Variants in KATNAL1 observed in about 807,000 individuals in gnomAD.
KATNAL1 encodes katanin p60 ATPase-containing subunit A-like 1.
In KATNAL1, 32 loss-of-function variants were observed where a neutral mutation model predicts 55.2. The ratio of observed to expected loss-of-function variants is 0.58; its 90% CI spans 0.44 to 0.78. The LOEUF is 0.78. Ranked by LOEUF, KATNAL1 falls within the 30% of genes least tolerant of loss-of-function variation. The probability of loss-of-function intolerance (pLI) is 0.00; values close to 1 mark genes in which losing one functional copy is unlikely to be tolerated. For synonymous variants in KATNAL1, 193 were observed against 193.6 expected (o/e 1.00, Z 0.02); for missense variants, 466 against 600.9 (o/e 0.78, Z 2.35).
intron 9 of KATNAL1, among the ~76,000 whole-genome samples, chr13:30,218,811 C>A (rs1455562074): frequency 6.6e-6 from 1 of 152,122 alleles, no homozygotes; most frequent in Non-Finnish European, 1.5e-5. Flanking sequence ...GGATCCCAGG[C>A]CCCAGCTGTG....
At chr13:30,248,877 G>C (rs1878034804) in intron 4 of KATNAL1, among the ~76,000 whole-genome samples, 1 of 152,174 alleles carries the variant, frequency 6.6e-6, no homozygotes, top group South Asian at 2.1e-4. Context: ...GGCTAACACA[G>C]TGAAACCCCA....
rs144193636 is a variant in KATNAL1 at position 30,211,584 on chromosome 13, C to G, written c.1148-1142G>C. Among the ~76,000 whole-genome samples the G allele has an allele frequency of 9.5e-3, 1,452 of 152,226 alleles. 25 individuals are homozygous for G. The highest frequency in any genetic ancestry group is 0.033 in the African/African-American group (1,361 of 41,534). Reference sequence around the variant, plus strand: ...ACCTTCTTTCATCTAAAACAGTTCCCCAGTGTTTACTTTTTGGTTCATTTT... The same window carrying G: ...ACCTTCTTTCATCTAAAACAGTTCCGCAGTGTTTACTTTTTGGTTCATTTT... On this transcript the variant is annotated intron_variant, in intron 9 of 10. Coordinates refer to ENST00000380615, the MANE Select transcript of KATNAL1 (RefSeq NM_032116.5).
At position 30,210,406 on chromosome 13, in the gene KATNAL1, C is replaced by A. The variant is rs749819072; in HGVS notation, c.1184G>T (p.Arg395Leu). The change falls in exon 10 of 11, where the codon CGT (arginine) becomes CTT (leucine). Residue 395 changes from arginine to leucine, a missense_variant. By Grantham distance (102) the Arg-to-Leu change is moderately radical. This residue lies in a region of KATNAL1 where 213 missense variants were observed against 308.6 expected (regional missense o/e 0.69). Coordinates refer to ENST00000380615, the MANE Select transcript of KATNAL1 (RefSeq NM_032116.5). ...GRAELLKINL[R>L]EVELDPDIQL... ...AATATCAGGATCTAATTCGACCTCA[C>A]GAAGGTTGATCTTCAGAAGCTCAGC... The A allele has an allele frequency of 1.2e-6, 2 of 1,605,540 alleles. No individual in the cohort carries two copies. The highest frequency in any genetic ancestry group is 1.1e-5 in the South Asian group (1 of 89,718).
intron 9 of KATNAL1, among the ~76,000 whole-genome samples, chr13:30,224,602 G>GA (rs1271733312): frequency 1.3e-5 from 2 of 149,012 alleles, no homozygotes; most frequent in Non-Finnish European, 3.0e-5. Flanking sequence ...ACTTCAGATA[G>GA]AAAAAATTAT....
chr13:30,290,969 C>A (rs925543767), intron 1 of KATNAL1, among the ~76,000 whole-genome samples: 1 of 152,162 alleles, frequency 6.6e-6, no homozygotes, highest in Non-Finnish European at 1.5e-5. Flanking sequence ...GAGTAATGGA[C>A]ATCTATGAAA....
chr13:30,303,205 G>C (rs558644607), intron 1 of KATNAL1, among the ~76,000 whole-genome samples: 14 of 152,238 alleles, frequency 9.2e-5, no homozygotes, highest in African/African-American at 3.4e-4. Flanking sequence ...CCATACCCCA[G>C]CAAAAGAAAC....
intron 3 of KATNAL1, among the ~76,000 whole-genome samples, chr13:30,260,417 A>G (rs1452541613): frequency 6.6e-6 from 1 of 152,108 alleles, no homozygotes; most frequent in Non-Finnish European, 1.5e-5. Flanking sequence ...CGATCAAATT[A>G]CTCTGAGCTA....
At chr13:30,277,125 T>C (rs530322128) in intron 3 of KATNAL1, among the ~76,000 whole-genome samples, 61 of 152,318 alleles carry the variant, frequency 4.0e-4, no homozygotes, top group African/African-American at 8.2e-4. Flanking sequence ...TGCAGAGTTA[T>C]TGAAATGTTT....
At chr13:30,252,417 T>C (rs1273102212) in intron 4 of KATNAL1, among the ~76,000 whole-genome samples, 1 of 152,212 alleles carries the variant, frequency 6.6e-6, no homozygotes, top group Non-Finnish European at 1.5e-5. Context: ...TATGTCTAAC[T>C]TCTCTTATCC....
At chr13:30,273,454 C>T (rs1237155862) in intron 3 of KATNAL1, among the ~76,000 whole-genome samples, 2 of 152,150 alleles carry the variant, frequency 1.3e-5, no homozygotes, top group African/African-American at 2.4e-5. Context: ...GCCTCAGTGT[C>T]GTCTTCTAAA....
chr13:30,210,108 C>T (rs924674993), intron 10 of KATNAL1, among the ~76,000 whole-genome samples: 4 of 151,078 alleles, frequency 2.6e-5, no homozygotes, highest in Non-Finnish European at 4.5e-5. Context: ...AGATCAAAAA[C>T]ATCAACGACC....
At chr13:30,219,527 T>C (rs1033895924) in intron 9 of KATNAL1, among the ~76,000 whole-genome samples, 9 of 152,250 alleles carry the variant, frequency 5.9e-5, no homozygotes, top group Admixed American at 5.9e-4. Flanking sequence ...TATGTCTGGC[T>C]TCCAAAGCAG....
intron 3 of KATNAL1, among the ~76,000 whole-genome samples, chr13:30,270,140 G>T (rs1193274390): frequency 9.6e-5 from 11 of 114,058 alleles, no homozygotes; most frequent in East Asian, 6.9e-4. Context: ...CTGCCCGGCC[G>T]CCCCTACTGG....
chr13:30,218,121 G>T (rs1418084071), intron 9 of KATNAL1, among the ~76,000 whole-genome samples: 1 of 151,136 alleles, frequency 6.6e-6, no homozygotes, highest in Non-Finnish European at 1.5e-5. Flanking sequence ...GGGGGAAAAA[G>T]GTAAGTAGAA....
intron 1 of KATNAL1, among the ~76,000 whole-genome samples, chr13:30,297,199 A>G (rs1032077304): frequency 1.3e-5 from 2 of 151,638 alleles, no homozygotes; most frequent in African/African-American, 2.4e-5. Flanking sequence ...AAGGATGAGG[A>G]GGAGTAGGAA....
At chr13:30,275,259 C>A (rs1880756544) in intron 3 of KATNAL1, among the ~76,000 whole-genome samples, 1 of 152,120 alleles carries the variant, frequency 6.6e-6, no homozygotes, top group African/African-American at 2.4e-5. Flanking sequence ...CAGCATATCA[C>A]ATGGCAAAAG....
chr13:30,288,936 G>A (rs753670065), intron 1 of KATNAL1, among the ~76,000 whole-genome samples: 1 of 152,158 alleles, frequency 6.6e-6, no homozygotes, highest in Non-Finnish European at 1.5e-5. Flanking sequence ...TACCTGCTAA[G>A]AAATAAAATA....
At chr13:30,283,838 T>G (rs1881588832) in intron 1 of KATNAL1, 47 bp from the exon 2 acceptor site, 4 of 1,267,304 alleles carry the variant, frequency 3.2e-6, no homozygotes, top group Non-Finnish European at 4.4e-6. Context: ...AGCACTGACT[T>G]TAAAACATTT....
chr13:30,297,011 T>TG (rs1882548774), intron 1 of KATNAL1, among the ~76,000 whole-genome samples: 1 of 151,668 alleles, frequency 6.6e-6, no homozygotes, highest in African/African-American at 2.4e-5. Context: ...ATTAGTCACA[T>TG]GTGGTCCTAG....
Sources: gnomAD v4.1 joint callset for allele counts (sites outside exome capture counted in the v4.1 genomes callset) on GRCh38, gnomAD v4.1.1 for gene constraint, gnomAD v4.1.1 regional missense constraint, MANE v1.5 for transcripts, NCBI Gene and HGNC (gene_info 2026-07-23, HGNC 2026-07-21) for gene names.